Variants in DNAH14 observed in about 807,000 individuals in gnomAD.
DNAH14 encodes the protein dynein axonemal heavy chain 14, also known as axonemal beta dynein heavy chain 14.
A neutral mutation model predicts 520.9 loss-of-function variants in DNAH14; 478 were observed. That is an observed-to-expected ratio of 0.92 (90% confidence interval 0.85 to 0.99). DNAH14 has a LOEUF of 0.99. Ranked by LOEUF, DNAH14 falls within the 50% of genes least tolerant of loss-of-function variation. The pLI, the probability that DNAH14 is intolerant of heterozygous loss-of-function variation, is 0.00. For missense variants in DNAH14, 4,831 were observed against 5,234.5 expected, an observed-to-expected ratio of 0.92 and a Z score of 2.38; for synonymous variants, 1,581 against 1,757.2, an observed-to-expected ratio of 0.90 and a Z score of 2.51.
intron 15 of DNAH14, among the ~76,000 whole-genome samples, chr1:225,049,744 G>A (rs888591659): frequency 6.7e-6 from 1 of 149,742 alleles, no homozygotes; most frequent in African/African-American, 2.5e-5. Flanking sequence ...CTAGGTTGAG[G>A]TTTGTTTATC....
At chr1:225,045,339 G>T (rs78989980) in intron 15 of DNAH14, among the ~76,000 whole-genome samples, 6 of 151,312 alleles carry the variant, frequency 4.0e-5, no homozygotes, top group Admixed American at 6.6e-5. Flanking sequence ...CAGAGTTTCT[G>T]TATACTCTTT....
chr1:225,153,586 G>A (rs1414252845), intron 33 of DNAH14, among the ~76,000 whole-genome samples, 164 bp from the exon 34 acceptor site: 1 of 152,066 alleles, frequency 6.6e-6, no homozygotes, highest in Non-Finnish European at 1.5e-5. Context: ...CACTTTGGGA[G>A]ATGAATGAGA....
At chr1:225,304,295 C>T (rs539288762) in intron 57 of DNAH14, among the ~76,000 whole-genome samples, 1 of 152,242 alleles carries the variant, frequency 6.6e-6, no homozygotes, top group South Asian at 2.1e-4. Context: ...TGGTGGCTCA[C>T]ACCTATAATC....
Position 225,257,969 on chromosome 1 carries a change from T to C in DNAH14, c.6875T>C (p.Leu2292Ser). ...TAAAATGTTAACTTAGGAACTTCAT[T>C]ACTAACTAATCTTCAAAGATCTGGC... ...DQTLIQRGTS[L>S]LTNLQRSGGN... The change falls in exon 45 of 86, where the codon TTA becomes TCA. Residue 2292 changes from leucine (L) to serine (S), a missense_variant. By Grantham distance (145) the Leu-to-Ser change is moderately radical. Coordinates refer to ENST00000682510, the MANE Select transcript of DNAH14 (RefSeq NM_001367479.1). The C allele has an allele frequency of 2.6e-6, 4 of 1,548,980 alleles. No individual in the cohort carries two copies. Among genetic ancestry groups the C allele is most frequent in the Non-Finnish European group, 3.5e-6 (4 of 1,145,984 alleles).
rs375847465 is a variant in DNAH14 at position 225,322,668 on chromosome 1, T to G, written c.9340T>G (p.Tyr3114Asp). Reference sequence around the variant, plus strand: ...GATTTTCATCATCTATTACAGAGTATACACACGGCCTCCCTTCCTTGTACT... The same window carrying G: ...GATTTTCATCATCTATTACAGAGTAGACACACGGCCTCCCTTCCTTGTACT... ...DKADVAELRV[Y>D]TRPPFLVLTV... Residue 3114 changes from tyrosine to aspartate, a missense_variant, in exon 62 of 86, where the codon TAC becomes GAC. By Grantham distance (160) the Tyr-to-Asp change is radical. Transcript: ENST00000682510. 1.5e-5 allele frequency: 23 copies of G among 1,537,924 alleles called. No individual in the cohort carries two copies. Among genetic ancestry groups the G allele is most frequent in the Non-Finnish European group, 2.0e-5 (23 of 1,136,448 alleles).
chr1:225,116,532 C>T (rs941312873), intron 23 of DNAH14, among the ~76,000 whole-genome samples: 1 of 152,126 alleles, frequency 6.6e-6, no homozygotes, highest in African/African-American at 2.4e-5. Flanking sequence ...CTAATACCTA[C>T]AGGACATTCA....
At position 225,041,274 on chromosome 1, in the gene DNAH14, G is replaced by C. The variant is rs547114291; in HGVS notation, c.1489-1561G>C. ...ATATAGATCTGAATCTCAAGCGAGA[G>C]ATAAGAGCTAAAGTTGTGGATCTGG... is the stretch of plus-strand genomic sequence containing the variant. On this transcript the variant is annotated intron_variant, in intron 12 of 85. Transcript: ENST00000682510. 1.4e-4 allele frequency among the ~76,000 whole-genome samples: 22 copies of C among 152,344 alleles called. No individual in the cohort carries two copies. In the South Asian group the frequency reaches 4.3e-3, roughly 30 times the overall value.
At chr1:225,144,348 TA>T in intron 28 of DNAH14, 48 bp from the exon 29 acceptor site, 12 of 1,359,676 alleles carry the variant, frequency 8.8e-6, no homozygotes, top group Non-Finnish European at 1.1e-5. Context: ...TGAAAATACA[TA>T]AAAATAATTT....
intron 17 of DNAH14, among the ~76,000 whole-genome samples, chr1:225,061,307 C>T (rs2070062542): frequency 6.6e-6 from 1 of 152,246 alleles, no homozygotes; most frequent in Admixed American, 6.5e-5. Context: ...GTAGGACCCT[C>T]TGAGCCAGGC....
At chr1:225,104,840 C>G (rs2075872719) in intron 23 of DNAH14, among the ~76,000 whole-genome samples, 1 of 152,106 alleles carries the variant, frequency 6.6e-6, no homozygotes, top group South Asian at 2.1e-4. Flanking sequence ...AAACCAGCTC[C>G]TAGATTCATT....
At chr1:225,171,951 G>A (rs1342646728) in intron 36 of DNAH14, among the ~76,000 whole-genome samples, 2 of 152,150 alleles carry the variant, frequency 1.3e-5, no homozygotes, top group African/African-American at 2.4e-5. Flanking sequence ...GGGATGCAAG[G>A]CTGGTTCATC....
chr1:225,274,162 G>A (rs1574448171), intron 52 of DNAH14, among the ~76,000 whole-genome samples: 1 of 137,728 alleles, frequency 7.3e-6, no homozygotes, highest in Non-Finnish European at 1.6e-5. Context: ...GTGTGTAAGT[G>A]TTCCTTTTTC....
In DNAH14 at chr1:225,335,521, A is replaced by ATATGCG. The variant is rs1553335819; in HGVS notation, c.10081-1742_10081-1741insGCGTAT. ...TACATGTACACATATACATATGTACATATATACATATGTACATATATACGT... is the reference window on the plus strand; with the variant it reads ...TACATGTACACATATACATATGTACATATGCGTATATACATATGTACATATATACGT... On this transcript the variant is annotated intron_variant, in intron 66 of 85. Coordinates refer to ENST00000682510, the MANE Select transcript of DNAH14 (RefSeq NM_001367479.1). Among the ~76,000 whole-genome samples, 2 of 119,812 alleles carry ATATGCG rather than the reference A, an allele frequency of 1.7e-5. 1 individual carries two copies. Among genetic ancestry groups the ATATGCG allele is most frequent in the Non-Finnish European group, 3.5e-5 (2 of 57,054 alleles). 78.6% of individuals were successfully genotyped at this position (119,812 alleles called of 152,430 possible). A position where few individuals can be genotyped will look rare whatever the true frequency, so the allele number is the denominator to read the frequency against.
intron 59 of DNAH14, among the ~76,000 whole-genome samples, chr1:225,307,945 T>C (rs985130407): frequency 1.3e-5 from 2 of 152,204 alleles, no homozygotes; most frequent in African/African-American, 4.8e-5. Flanking sequence ...CATCACTCTT[T>C]GTGTGTAACG....
intron 66 of DNAH14, among the ~76,000 whole-genome samples, chr1:225,335,788 A>C (rs1454167924): frequency 8.7e-6 from 1 of 115,328 alleles, no homozygotes. Context: ...TATATTCATA[A>C]GTACATCTAT....
chr1:225,368,106 A>C, intron 77 of DNAH14, 74 bp downstream of exon 77: 1 of 1,263,012 alleles, frequency 7.9e-7, no homozygotes, highest in Non-Finnish European at 1.1e-6. Flanking sequence ...CTATGTGCCT[A>C]CACAAATGTG....
chr1:225,251,331 G>A (rs1256740348), intron 43 of DNAH14, among the ~76,000 whole-genome samples: 3 of 151,966 alleles, frequency 2.0e-5, no homozygotes, highest in Admixed American at 1.3e-4. Flanking sequence ...CTGTCACCAC[G>A]CTTGGCTAAT....
intron 37 of DNAH14, among the ~76,000 whole-genome samples, chr1:225,187,381 T>C (rs1291852215): frequency 6.6e-6 from 1 of 151,874 alleles, no homozygotes; most frequent in African/African-American, 2.4e-5. Flanking sequence ...TCGCCTCTTT[T>C]GGCAGAGATG....
chr1:225,291,798 G>T (rs995864837), intron 55 of DNAH14, among the ~76,000 whole-genome samples: 1 of 152,022 alleles, frequency 6.6e-6, no homozygotes, highest in Non-Finnish European at 1.5e-5. Flanking sequence ...GCTTATCATG[G>T]TTTTGATTTG....
Sources: allele counts gnomAD v4.1 joint callset (sites outside exome capture counted in the v4.1 genomes callset), GRCh38; gene constraint gnomAD v4.1.1; transcripts MANE v1.5; gene names NCBI Gene and HGNC (gene_info 2026-07-23, HGNC 2026-07-21).